BAG3: variants seen among roughly 807,000 people sequenced by gnomAD.
BAG3 encodes the protein BAG family molecular chaperone regulator 3.
Under a neutral mutation model 40.5 loss-of-function variants are expected in BAG3, and 14 were observed. The observed-to-expected ratio is 0.35, with a 90% CI of 0.23 to 0.54. The LOEUF (loss-of-function observed/expected upper bound fraction) is 0.54. Among genes scored for constraint, BAG3 ranks in the 20% least tolerant of loss-of-function variants. BAG3 has a pLI of 0.91. For missense variants in BAG3, 788 were observed against 758.6 expected (o/e 1.04, Z -0.46); for synonymous variants, 302 against 307.8 (o/e 0.98, Z 0.20).
Position 119,677,510 on chromosome 10 carries a change from A to C in BAG3, c.*228A>C. ...AGTTGCTTGTTGTTTGAGAAGTTTA[A>C]CCCCGTTGCTTGTTGTTCTGCAGCC... is the stretch of plus-strand genomic sequence containing the variant. On this transcript the variant is annotated 3_prime_UTR_variant, in exon 4 of 4. Transcript: ENST00000369085. 1.7e-6 allele frequency: 1 copy of C among 599,622 alleles called. No individual in the cohort carries two copies. The highest frequency in any genetic ancestry group is 2.8e-6 in the Non-Finnish European group (1 of 352,968). 37.1% of individuals were successfully genotyped at this position (599,622 alleles called of 1,614,324 possible).
chr10:119,670,944 A>G (rs749816332), intron 2 of BAG3, among the ~76,000 whole-genome samples: 2 of 152,150 alleles, frequency 1.3e-5, no homozygotes, highest in African/African-American at 2.4e-5. Context: ...CCCGTGTCCT[A>G]TCTGCACCCT....
At chr10:119,676,346 T>C (rs1343019106) in intron 3 of BAG3, 118 bp from the exon 4 acceptor site, 1 of 1,050,108 alleles carries the variant, frequency 9.5e-7, no homozygotes, top group Non-Finnish European at 1.4e-6. Flanking sequence ...TCTTTTATAC[T>C]ATTAAACTTT....
intron 1 of BAG3, among the ~76,000 whole-genome samples, chr10:119,662,836 A>T (rs1406217860): frequency 6.6e-6 from 1 of 152,126 alleles, no homozygotes; most frequent in Non-Finnish European, 1.5e-5. Context: ...AATATAGTGA[A>T]ACCCCGTCTC....
rs1253041903 is a variant in BAG3 at position 119,672,191 on chromosome 10, G to A, written c.508-64G>A. 6.2e-7 allele frequency: 1 copy of A among 1,601,736 alleles called. No individual in the cohort carries two copies. Among genetic ancestry groups the A allele is most frequent in the Non-Finnish European group, 8.5e-7 (1 of 1,176,614 alleles). On this transcript the variant is annotated intron_variant, in intron 2 of 3. Transcript: ENST00000369085. The surrounding 1 kb of genome is among the most constrained non-coding windows in gnomAD (Gnocchi z 4.8). ...GAGGAGGTGCACAGCAGAAGGCGTG[G>A]TCAGGATGCCAAGCCAGGGGAGTCA...
intron 1 of BAG3, among the ~76,000 whole-genome samples, chr10:119,655,481 G>A (rs1163866030): frequency 6.6e-6 from 1 of 152,206 alleles, no homozygotes. Context: ...GATTGAAGTA[G>A]AGAGACCCAT....
At chr10:119,674,664 T>A (rs1355556353) in intron 3 of BAG3, among the ~76,000 whole-genome samples, 2 of 152,212 alleles carry the variant, frequency 1.3e-5, no homozygotes, top group East Asian at 3.8e-4. Flanking sequence ...CTTACATGAA[T>A]AAGAGCCAAG....
At chr10:119,659,692 G>A (rs774663973) in intron 1 of BAG3, among the ~76,000 whole-genome samples, 4 of 152,206 alleles carry the variant, frequency 2.6e-5, no homozygotes, top group Admixed American at 1.3e-4. Flanking sequence ...ATACACGTCC[G>A]CTGATGTCCT....
chr10:119,655,602 C>T (rs1206585806), intron 1 of BAG3, among the ~76,000 whole-genome samples: 1 of 152,162 alleles, frequency 6.6e-6, no homozygotes, highest in Admixed American at 6.5e-5. Flanking sequence ...AGGCGGAGCA[C>T]AATCAGGAAA....
intron 1 of BAG3, among the ~76,000 whole-genome samples, chr10:119,666,658 C>G (rs1388319207): frequency 6.6e-6 from 1 of 152,106 alleles, no homozygotes; most frequent in Non-Finnish European, 1.5e-5. Context: ...CCAGGGGCTT[C>G]CCCCAGGAGG....
intron 1 of BAG3, among the ~76,000 whole-genome samples, chr10:119,658,129 G>T (rs1254916182): frequency 1.3e-5 from 2 of 152,224 alleles, no homozygotes; most frequent in Admixed American, 1.3e-4. Flanking sequence ...GTTTATTAAA[G>T]TAGAATTATA....
chr10:119,654,827 C>A (rs1262046102), intron 1 of BAG3, among the ~76,000 whole-genome samples: 4 of 152,204 alleles, frequency 2.6e-5, no homozygotes, highest in Non-Finnish European at 5.9e-5. Flanking sequence ...CCCGCCAGGC[C>A]TCCTTGGGAT....
At chr10:119,660,910 A>C (rs897418119) in intron 1 of BAG3, among the ~76,000 whole-genome samples, 1 of 151,940 alleles carries the variant, frequency 6.6e-6, no homozygotes, top group African/African-American at 2.4e-5. Context: ...CCTGGCCAAC[A>C]TGGTGAAACC....
chr10:119,657,419 A>G, intron 1 of BAG3: 1 of 409,594 alleles, frequency 2.4e-6, no homozygotes, highest in Non-Finnish European at 5.1e-6. Flanking sequence ...GTTCTGGGGC[A>G]GAGTCTGTGT....
At chr10:119,665,143 T>TTTTTTTTTTCC (rs1564771840) in intron 1 of BAG3, among the ~76,000 whole-genome samples, 39 of 113,750 alleles carry the variant, frequency 3.4e-4, no homozygotes, top group Non-Finnish European at 4.6e-4. Context: ...TATATATATA[T>TTTTTTTTTTCC]ATTTTTTTTT....
At chr10:119,659,114 G>C (rs140063042) in intron 1 of BAG3, among the ~76,000 whole-genome samples, 2 of 152,186 alleles carry the variant, frequency 1.3e-5, no homozygotes, top group Non-Finnish European at 2.9e-5. Flanking sequence ...GGCTTCCCGT[G>C]CCCCTTGTGA....
rs528288616 is a variant in BAG3 at position 119,672,330 on chromosome 10, A to G, written c.583A>G (p.Ser195Gly). Residue 195 changes from serine to glycine, a missense_variant, in exon 3 of 4, where the codon AGC becomes GGC. By Grantham distance (56) the Ser-to-Gly change is moderately conservative (BLOSUM62 0). Coordinates refer to ENST00000369085, the MANE Select transcript of BAG3 (RefSeq NM_004281.4). This position sits in a 1 kb window ranked among gnomAD's most constrained non-coding sequence, Gnocchi z 4.8. ...SASLPSSGRS[S>G]LGSHQLPRGY... The stretch of plus-strand genomic sequence containing the variant: ...CAGCCTGCCTTCCTCCGGCAGGAGC[A>G]GCCTGGGCAGTCACCAGCTCCCGCG... The G allele has an allele frequency of 6.2e-6, 10 of 1,614,040 alleles. No individual in the cohort carries two copies. The South Asian group carries it at 1.1e-4, about 18-fold the overall frequency.
chr10:119,675,784 T>TCCTTCCCCCCCCCTCCCTTCCCCCTTC (rs1564775870), intron 3 of BAG3, among the ~76,000 whole-genome samples: 1 of 12,066 alleles, frequency 8.3e-5, no homozygotes, highest in South Asian at 4.6e-3. Flanking sequence ...TCCCTCCCCC[T>TCCTTCCCCCCCCCTCCCTTCCCCCTTC]CCCTTCCCCC....
chr10:119,659,068 G>C (rs529697606), intron 1 of BAG3, among the ~76,000 whole-genome samples: 1 of 152,092 alleles, frequency 6.6e-6, no homozygotes, highest in African/African-American at 2.4e-5. Flanking sequence ...TGACTCCCCC[G>C]ACCAGTGTCC....
At chr10:119,659,423 T>C (rs781047622) in intron 1 of BAG3, among the ~76,000 whole-genome samples, 16 of 152,214 alleles carry the variant, frequency 1.1e-4, no homozygotes, top group Admixed American at 3.9e-4. Context: ...GCCGATTACC[T>C]GCACAGCTCT....
Sources: allele counts gnomAD v4.1 joint callset (sites outside exome capture counted in the v4.1 genomes callset), GRCh38; gene constraint gnomAD v4.1.1; non-coding constraint Gnocchi (gnomAD v3.1); transcripts MANE v1.5; gene names NCBI Gene and HGNC (gene_info 2026-07-23, HGNC 2026-07-21).